Variants in NOS1AP observed in about 807,000 individuals in gnomAD.
NOS1AP encodes the protein carboxyl-terminal PDZ ligand of neuronal nitric oxide synthase protein.
A neutral mutation model predicts 56.2 loss-of-function variants in NOS1AP; 21 were observed. The ratio of observed to expected loss-of-function variants is 0.37; its 90% confidence interval spans 0.26 to 0.54. The LOEUF (loss-of-function observed/expected upper bound fraction) is 0.54, where lower values mean the gene tolerates loss of function less well. Among genes scored for constraint, NOS1AP ranks in the 20% least tolerant of loss-of-function variants. The probability of loss-of-function intolerance (pLI) is 0.84; values close to 1 mark genes in which losing one functional copy is unlikely to be tolerated. For missense variants in NOS1AP, 522 were observed against 657.8 expected (o/e 0.79, Z 2.26); for synonymous variants, 270 against 274.6 (o/e 0.98, Z 0.17).
At chr1:162,129,484 T>G (rs1648649203) in intron 1 of NOS1AP, among the ~76,000 whole-genome samples, 1 of 152,210 alleles carries the variant, frequency 6.6e-6, no homozygotes. Flanking sequence ...AAATATCCTT[T>G]GCTTCTATAG....
At chr1:162,321,121 A>G (rs1223903050) in intron 4 of NOS1AP, among the ~76,000 whole-genome samples, 1 of 152,180 alleles carries the variant, frequency 6.6e-6, no homozygotes, top group Non-Finnish European at 1.5e-5. Context: ...GGTGTAAGGA[A>G]GGGATCCAGT....
intron 2 of NOS1AP, among the ~76,000 whole-genome samples, chr1:162,162,892 A>G (rs564837078): frequency 8.5e-5 from 13 of 152,192 alleles, no homozygotes; most frequent in African/African-American, 3.1e-4. Context: ...CATCACCACA[A>G]TCAATTTTCA....
Position 162,300,684 on chromosome 1 carries a change from G to A in NOS1AP, c.322G>A (p.Val108Met). Residue 108 changes from valine to methionine, a missense_variant, in exon 4 of 10, where the codon GTG (valine) becomes ATG (methionine). Val to Met is a conservative substitution (Grantham distance 21, BLOSUM62 1). Around this residue, in one of 4 missense-constraint regions of NOS1AP, gnomAD observed 132 missense variants for 218.1 expected, o/e 0.61. Coordinates refer to ENST00000361897, the MANE Select transcript of NOS1AP (RefSeq NM_014697.3). ...EWTWDESKML[V>M]MQDPIYRIFY... The stretch of plus-strand genomic sequence containing the variant: ...GACGTGGGATGAGAGCAAGATGCTG[G>A]TGATGCAGGACCCCATCTACAGGTA... The A allele has an allele frequency of 6.2e-7, 1 of 1,613,984 alleles. No homozygotes were observed.
chr1:162,322,091 A>T (rs1349018753), intron 4 of NOS1AP, among the ~76,000 whole-genome samples: 1 of 152,192 alleles, frequency 6.6e-6, no homozygotes, highest in Non-Finnish European at 1.5e-5. Flanking sequence ...ACACACAAAA[A>T]AGAAAAAGAC....
chr1:162,351,625 ATCTGCTATTGCT>A (rs1415297226), intron 6 of NOS1AP, among the ~76,000 whole-genome samples: 2 of 152,058 alleles, frequency 1.3e-5, no homozygotes, highest in Admixed American at 6.5e-5. Context: ...CACCCAAATT[ATCTGCTATTGCT>A]GACTTGCCCT....
chr1:162,087,053 A>G (rs1692017904), intron 1 of NOS1AP, among the ~76,000 whole-genome samples: 1 of 152,156 alleles, frequency 6.6e-6, no homozygotes, highest in Non-Finnish European at 1.5e-5. Flanking sequence ...TAGGGCCCCA[A>G]AAGGTGGTTG....
intron 2 of NOS1AP, among the ~76,000 whole-genome samples, chr1:162,155,178 A>G (rs1649887946): frequency 6.6e-6 from 1 of 151,110 alleles, no homozygotes; most frequent in Non-Finnish European, 1.5e-5. Flanking sequence ...GAACTTCAGT[A>G]TGAAGGAGTT....
intron 3 of NOS1AP, 43 bp from the exon 4 acceptor site, chr1:162,300,590 C>T (rs376757346): frequency 5.8e-6 from 9 of 1,543,564 alleles, no homozygotes; most frequent in Non-Finnish European, 7.2e-6. Context: ...AGTGTGTGCC[C>T]TGGTCCTGTA....
chr1:162,281,856 C>T (rs1223251316), intron 2 of NOS1AP, among the ~76,000 whole-genome samples: 1 of 152,206 alleles, frequency 6.6e-6, no homozygotes, highest in Non-Finnish European at 1.5e-5. Context: ...CGCGGTGGCT[C>T]ACGCCTGTAA....
At chr1:162,170,508 AGTT>A (rs1650717677) in intron 2 of NOS1AP, among the ~76,000 whole-genome samples, 1 of 152,190 alleles carries the variant, frequency 6.6e-6, no homozygotes, top group Non-Finnish European at 1.5e-5. Flanking sequence ...TATCAAGAAA[AGTT>A]GTACTGAAGT....
intron 8 of NOS1AP, among the ~76,000 whole-genome samples, chr1:162,358,903 C>T (rs954501878): frequency 6.6e-6 from 1 of 152,180 alleles, no homozygotes; most frequent in African/African-American, 2.4e-5. Flanking sequence ...GTAATCCACA[C>T]AATAGTGTTG....
intron 1 of NOS1AP, among the ~76,000 whole-genome samples, chr1:162,131,428 TTAA>T (rs1259692089): frequency 6.6e-6 from 1 of 151,560 alleles, no homozygotes; most frequent in Non-Finnish European, 1.5e-5. Flanking sequence ...CAGCTGCATT[TTAA>T]TAATGCAGCA....
intron 4 of NOS1AP, among the ~76,000 whole-genome samples, chr1:162,309,128 A>G (rs1328032229): frequency 2.6e-5 from 4 of 152,268 alleles, no homozygotes; most frequent in African/African-American, 7.2e-5. Context: ...TGGGGATTTT[A>G]TAGAGCTATT....
At chr1:162,269,066 G>T (rs1244227089) in intron 2 of NOS1AP, among the ~76,000 whole-genome samples, 1 of 152,174 alleles carries the variant, frequency 6.6e-6, no homozygotes, top group African/African-American at 2.4e-5. Flanking sequence ...GCAGATCCAG[G>T]CAAGCCAAAG....
intron 1 of NOS1AP, among the ~76,000 whole-genome samples, chr1:162,111,384 C>T (rs1253386326): frequency 6.6e-6 from 1 of 152,198 alleles, no homozygotes; most frequent in African/African-American, 2.4e-5. Context: ...TCATCCCAGC[C>T]CCCTGGTGAT....
At chr1:162,309,310 A>T (rs1655949851) in intron 4 of NOS1AP, among the ~76,000 whole-genome samples, 1 of 152,234 alleles carries the variant, frequency 6.6e-6, no homozygotes, top group Non-Finnish European at 1.5e-5. Flanking sequence ...ATCAGTTCTT[A>T]AACTCTAGAC....
At chr1:162,138,720 C>T (rs1316191121) in intron 1 of NOS1AP, among the ~76,000 whole-genome samples, 1 of 152,208 alleles carries the variant, frequency 6.6e-6, no homozygotes. Flanking sequence ...TGAGAAAGCC[C>T]TTCTCTAAGA....
chr1:162,259,235 T>A (rs759602655), intron 2 of NOS1AP, among the ~76,000 whole-genome samples: 12 of 152,218 alleles, frequency 7.9e-5, no homozygotes, highest in Non-Finnish European at 1.5e-4. Flanking sequence ...TTTGAAAGAC[T>A]ATCCCACATC....
intron 2 of NOS1AP, among the ~76,000 whole-genome samples, chr1:162,186,449 C>A (rs1018665154): frequency 2.4e-4 from 36 of 152,056 alleles, no homozygotes; most frequent in African/African-American, 7.2e-4. Flanking sequence ...CAGCTCTCTC[C>A]CACTGGCCAG....
Sources: allele counts gnomAD v4.1 joint callset (sites outside exome capture counted in the v4.1 genomes callset), GRCh38; gene constraint gnomAD v4.1.1; regional missense constraint gnomAD v4.1.1; transcripts MANE v1.5; gene names NCBI Gene and HGNC (gene_info 2026-07-23, HGNC 2026-07-21).